The following VPS8 variants were observed in gnomAD, a reference collection of about 807,000 sequenced individuals.
VPS8 encodes the protein VPS8 subunit of CORVET complex.
In VPS8, 129 loss-of-function variants were observed where a neutral mutation model predicts 216.4. That is an observed-to-expected ratio of 0.60 (90% confidence interval 0.52 to 0.69). The LOEUF is 0.69. Ranked by LOEUF, VPS8 falls within the 30% of genes least tolerant of loss-of-function variation. VPS8 has a pLI of 0.00. For missense variants in VPS8, 1,531 were observed against 1,683.5 expected, an observed-to-expected ratio of 0.91 and a Z score of 1.59; for synonymous variants, 571 against 565.4, an observed-to-expected ratio of 1.01 and a Z score of -0.14.
intron 25 of VPS8, among the ~76,000 whole-genome samples, chr3:184,902,111 G>A (rs1165421423): frequency 3.6e-5 from 5 of 139,914 alleles, no homozygotes; most frequent in Admixed American, 7.1e-5. Flanking sequence ...TAAATATTTA[G>A]CCCCCCCCCC....
intron 16 of VPS8, among the ~76,000 whole-genome samples, chr3:184,864,814 A>G (rs759060749): frequency 2.9e-4 from 44 of 152,238 alleles, no homozygotes; most frequent in Non-Finnish European, 5.1e-4. Context: ...TCTCCCATCC[A>G]ATTAGAGATT....
At chr3:184,926,886 G>A (rs567325877) in intron 31 of VPS8, among the ~76,000 whole-genome samples, 24 of 152,234 alleles carry the variant, frequency 1.6e-4, no homozygotes, top group Non-Finnish European at 1.6e-4. Context: ...TGTATCTACC[G>A]TGACATCAAA....
chr3:184,962,169 G>T (rs1466068260), intron 37 of VPS8, among the ~76,000 whole-genome samples: 1 of 152,174 alleles, frequency 6.6e-6, no homozygotes, highest in Non-Finnish European at 1.5e-5. Flanking sequence ...TTATTTCCCT[G>T]TTGGTAAACA....
intron 1 of VPS8, among the ~76,000 whole-genome samples, chr3:184,823,244 G>A (rs1717997325): frequency 6.6e-6 from 1 of 152,222 alleles, no homozygotes; most frequent in African/African-American, 2.4e-5. Context: ...CAGGCATGAT[G>A]GCACATGCCT....
At chr3:184,843,296 A>G in intron 8 of VPS8, 51 bp downstream of exon 8, 3 of 1,311,432 alleles carry the variant, frequency 2.3e-6, no homozygotes, top group Non-Finnish European at 3.0e-6. Context: ...GGTCTTTTTA[A>G]TGTTGGAAGA....
intron 21 of VPS8, 164 bp from the exon 22 acceptor site, chr3:184,885,946 C>T: frequency 1.6e-6 from 1 of 610,684 alleles, no homozygotes; most frequent in Non-Finnish European, 2.8e-6. Flanking sequence ...TCAAAATGTT[C>T]TGTTTTTCAG....
chr3:184,991,193 A>G (rs73885635), intron 42 of VPS8, among the ~76,000 whole-genome samples: 6,580 of 152,236 alleles, frequency 0.043, 453 homozygotes, highest in African/African-American at 0.15. Flanking sequence ...CCAGAAAGCA[A>G]TAGGAAAAAA....
Position 184,915,411 on chromosome 3 carries a change from C to A in VPS8, c.2319C>A (p.Ile773=). 1 of 1,613,906 alleles carries A rather than the reference C, an allele frequency of 6.2e-7. No individual in the cohort carries two copies. The highest frequency in any genetic ancestry group is 8.5e-7 in the Non-Finnish European group (1 of 1,179,822). Residue 773 remains isoleucine (I), a synonymous_variant, in exon 28 of 48, where the codon ATC becomes ATA. Coordinates refer to ENST00000625842, the MANE Select transcript of VPS8 (RefSeq NM_001009921.3). ...CAGAGGCTTCTCCTGAGGAAGAAATCTATCCTTACATTCGGACTTTGCTAC... is the reference window on the plus strand; with the variant it reads ...CAGAGGCTTCTCCTGAGGAAGAAATATATCCTTACATTCGGACTTTGCTAC... ...HSAEASPEEE[I]YPYIRTLLHF...
intron 25 of VPS8, among the ~76,000 whole-genome samples, chr3:184,912,645 C>A (rs532018101): frequency 6.6e-6 from 1 of 151,918 alleles, no homozygotes; most frequent in Non-Finnish European, 1.5e-5. Flanking sequence ...ATGTGTCATA[C>A]GAGTTGATGT....
rs1190824543 is a variant in VPS8, at chr3:184,852,535, C to T, written c.789C>T (p.Asp263=). 2 of 1,613,684 alleles carry T rather than the reference C, an allele frequency of 1.2e-6. No homozygotes were observed. The highest frequency in any genetic ancestry group is 4.5e-5 in the East Asian group (2 of 44,854). ...TDDPTLAICN[D]SGGSVFELTF... Reference sequence around the variant, plus strand: ...ATCCAACTCTTGCAATTTGCAACGACAGCGGAGGCTCTGTTTTTGAATTGA... The same window carrying T: ...ATCCAACTCTTGCAATTTGCAACGATAGCGGAGGCTCTGTTTTTGAATTGA... The change falls in exon 11 of 48, where the codon GAC becomes GAT. Residue 263 remains aspartate, a synonymous_variant. Transcript: ENST00000625842.
chr3:184,869,473 T>C lies in VPS8; in HGVS notation c.1598-9T>C, dbSNP rs777037740. On this transcript the variant is annotated splice_polypyrimidine_tract_variant and intron_variant, in intron 19 of 47. Coordinates refer to ENST00000625842, the MANE Select transcript of VPS8 (RefSeq NM_001009921.3). The stretch of plus-strand genomic sequence containing the variant: ...TTTTGTTTTTTTGTTGGATTTTCCT[T>C]CTCTGCAGGATTATCAGGGGATGCC... 2.5e-6 allele frequency: 4 copies of C among 1,613,140 alleles called. No individual in the cohort carries two copies. Among genetic ancestry groups the C allele is most frequent in the East Asian group, 4.5e-5 (2 of 44,840 alleles).
intron 46 of VPS8, among the ~76,000 whole-genome samples, chr3:185,044,558 C>T (rs952269644): frequency 5.9e-5 from 9 of 151,818 alleles, no homozygotes; most frequent in Admixed American, 1.3e-4. Flanking sequence ...GTGCTGTGAA[C>T]GGTCACCATG....
chr3:184,965,813 A>T (rs966368921), intron 38 of VPS8, among the ~76,000 whole-genome samples: 2 of 152,194 alleles, frequency 1.3e-5, no homozygotes, highest in Non-Finnish European at 2.9e-5. Context: ...GTATGAGTCT[A>T]TGAGAGCTTG....
At chr3:185,014,036 C>G (rs764908724) in intron 45 of VPS8, among the ~76,000 whole-genome samples, 4 of 152,132 alleles carry the variant, frequency 2.6e-5, no homozygotes, top group Admixed American at 1.3e-4. Context: ...TATGGTAAAT[C>G]CTGAGATCAG....
chr3:184,849,242 A>G (rs1723792489), intron 9 of VPS8, 47 bp downstream of exon 9: 6 of 1,585,288 alleles, frequency 3.8e-6, no homozygotes, highest in Non-Finnish European at 5.1e-6. Flanking sequence ...TTAAAACAAG[A>G]TGAATTTACA....
intron 4 of VPS8, 139 bp from the exon 5 acceptor site, chr3:184,834,506 AAAAG>A (rs1720657739): frequency 1.6e-6 from 1 of 637,986 alleles, no homozygotes; most frequent in African/African-American, 1.8e-5. Flanking sequence ...TAATAATAAT[AAAAG>A]AAAAAAAAAC....
At chr3:184,898,793 T>C in intron 24 of VPS8, 139 bp downstream of exon 24, 1 of 637,238 alleles carries the variant, frequency 1.6e-6, no homozygotes, top group Non-Finnish European at 2.5e-6. Flanking sequence ...TTGAACCCAT[T>C]TTAGCTTGGG....
intron 45 of VPS8, among the ~76,000 whole-genome samples, chr3:185,009,849 G>T (rs1754757089): frequency 6.6e-6 from 1 of 152,040 alleles, no homozygotes; most frequent in Admixed American, 6.5e-5. Context: ...AGACAAGGTG[G>T]CTAGAGTTTG....
At chr3:184,982,861 T>G in intron 41 of VPS8, 151 bp from the exon 42 acceptor site, 1 of 742,482 alleles carries the variant, frequency 1.3e-6, no homozygotes, top group Non-Finnish European at 2.1e-6. Flanking sequence ...CTTTGTAACT[T>G]GTCAACAGTT....
Sources: allele counts gnomAD v4.1 joint callset (sites outside exome capture counted in the v4.1 genomes callset), GRCh38; gene constraint gnomAD v4.1.1; transcripts MANE v1.5; gene names NCBI Gene and HGNC (gene_info 2026-07-23, HGNC 2026-07-21).